Variants in TANC2 observed in about 807,000 individuals in gnomAD.
TANC2 encodes protein TANC2.
A neutral mutation model predicts 210.5 loss-of-function variants in TANC2; 26 were observed. The ratio of observed to expected loss-of-function variants is 0.12; its 90% CI spans 0.09 to 0.17. The LOEUF is 0.17. TANC2 is among the 10% of genes least tolerant of loss of function. The pLI, the probability that TANC2 is intolerant of heterozygous loss-of-function variation, is 1.00. For synonymous variants in TANC2, 931 were observed against 967.1 expected, an observed-to-expected ratio of 0.96 and a Z score of 0.69; for missense variants, 2,129 against 2,608.9, an observed-to-expected ratio of 0.82 and a Z score of 4.01.
At chr17:63,391,219 A>G (rs923676412) in intron 17 of TANC2, 1 of 152,226 alleles carries the variant, frequency 6.6e-6, no homozygotes, top group Non-Finnish European at 1.5e-5. Context: ...TGCTAACCAG[A>G]AGCAACATCC....
intron 5 of TANC2, among the ~76,000 whole-genome samples, chr17:63,169,217 T>G (rs2040315670): frequency 6.6e-6 from 1 of 152,250 alleles, no homozygotes; most frequent in Non-Finnish European, 1.5e-5. Context: ...CTTGTGAGAT[T>G]AGCTATAGTC....
chr17:63,205,344 CAAAAAAAAAAAAA>C (rs1158768609), intron 7 of TANC2, among the ~76,000 whole-genome samples: 176 of 8,082 alleles, frequency 0.022, 11 homozygotes, highest in Non-Finnish European at 0.03. Context: ...ACCAAGGAGG[CAAAAAAAAAAAAA>C]AAAAAAAAAA....
In TANC2 at chr17:63,018,968, T is replaced by G. The variant is rs184267838; in HGVS notation, c.67+9342T>G. Among the ~76,000 whole-genome samples, 228 of 152,300 alleles carry G rather than the reference T, an allele frequency of 1.5e-3. 1 individual carries two copies. The highest frequency in any genetic ancestry group is 2.5e-3 in the Admixed American group (39 of 15,300). Reference sequence around the variant, plus strand: ...CCCTTTGAAGGACAGCTGAATTGTTTCCAATTTGTGCTATTTTGAATAAAG... The same window carrying G: ...CCCTTTGAAGGACAGCTGAATTGTTGCCAATTTGTGCTATTTTGAATAAAG... On this transcript the variant is annotated intron_variant, in intron 2 of 27. Transcript: ENST00000689528.
At chr17:63,053,005 G>C (rs1429884912) in intron 2 of TANC2, among the ~76,000 whole-genome samples, 1 of 152,224 alleles carries the variant, frequency 6.6e-6, no homozygotes, top group East Asian at 1.9e-4. Context: ...GCTCGCAAGA[G>C]TGTGCTGACC....
intron 11 of TANC2, among the ~76,000 whole-genome samples, chr17:63,328,809 T>C (rs1398663516): frequency 6.6e-6 from 1 of 152,152 alleles, no homozygotes; most frequent in Admixed American, 6.5e-5. Context: ...TAAAAAATGA[T>C]ACAATAGGGA....
At chr17:63,057,665 T>A (rs932181487) in intron 2 of TANC2, among the ~76,000 whole-genome samples, 1 of 152,210 alleles carries the variant, frequency 6.6e-6, no homozygotes, top group Non-Finnish European at 1.5e-5. Context: ...CTCCCACTTA[T>A]GAGTGAGAAT....
intron 4 of TANC2, among the ~76,000 whole-genome samples, chr17:63,106,793 G>A (rs1398279481): frequency 6.6e-6 from 1 of 151,692 alleles, no homozygotes; most frequent in African/African-American, 2.4e-5. Flanking sequence ...TGAGGTTTTA[G>A]ACAAGAAAGT....
chr17:63,226,104 AT>A (rs1237504992), intron 7 of TANC2, among the ~76,000 whole-genome samples: 2 of 152,090 alleles, frequency 1.3e-5, no homozygotes, highest in Non-Finnish European at 2.9e-5. Flanking sequence ...TCACAAATCT[AT>A]TTTTTATTAT....
chr17:63,233,864 A>G (rs1284650618), intron 7 of TANC2, among the ~76,000 whole-genome samples: 1 of 152,170 alleles, frequency 6.6e-6, no homozygotes, highest in Non-Finnish European at 1.5e-5. Context: ...GACCAACTCA[A>G]CTTGGTCGAC....
chr17:63,197,617 T>C (rs2041387893), intron 6 of TANC2: 1 of 152,240 alleles, frequency 6.6e-6, no homozygotes, highest in East Asian at 1.9e-4. Flanking sequence ...GAAAGTGATA[T>C]TCACCTGACC....
chr17:63,321,095 A>G (rs1335040006), intron 11 of TANC2, among the ~76,000 whole-genome samples: 1 of 152,028 alleles, frequency 6.6e-6, no homozygotes, highest in Non-Finnish European at 1.5e-5. Flanking sequence ...CTACTCAGGA[A>G]GCTGAGGTAG....
At chr17:63,012,877 A>G (rs1305375759) in intron 2 of TANC2, among the ~76,000 whole-genome samples, 1 of 151,482 alleles carries the variant, frequency 6.6e-6, no homozygotes, top group African/African-American at 2.4e-5. Context: ...CTGGTCTTGA[A>G]CTCCTAGCCT....
At chr17:63,016,373 G>A (rs565003766) in intron 2 of TANC2, among the ~76,000 whole-genome samples, 32 of 152,246 alleles carry the variant, frequency 2.1e-4, no homozygotes, top group African/African-American at 7.5e-4. Context: ...TCAGCACTTC[G>A]AGACCAGCCT....
chr17:63,276,053 A>G (rs1567874400), intron 9 of TANC2, among the ~76,000 whole-genome samples: 1 of 152,140 alleles, frequency 6.6e-6, no homozygotes, highest in African/African-American at 2.4e-5. Context: ...ATTTACTTAG[A>G]TAAGACTTTG....
chr17:62,989,767 CT>C lies in TANC2; in HGVS notation c.-23-19748del, dbSNP rs369502208. Among the ~76,000 whole-genome samples the C allele has an allele frequency of 9.1e-3, 1,003 of 109,770 alleles. 3 individuals are homozygous for C. Among genetic ancestry groups the C allele is most frequent in the African/African-American group, 0.034 (857 of 24,966 alleles). The allele number at this position is 109,770 out of a possible 152,430, so 72.0% of individuals were successfully genotyped here. On this transcript the variant is annotated intron_variant, in intron 1 of 27. Coordinates refer to ENST00000689528, the Ensembl canonical transcript of TANC2. Reference sequence around the variant, plus strand: ...AAGCTCATAGAATAAAAAACACATGCTTTTTTTTTTTTTTTTTTTTTTGAGA... The same window carrying C: ...AAGCTCATAGAATAAAAAACACATGCTTTTTTTTTTTTTTTTTTTTTGAGA...
intron 1 of TANC2, among the ~76,000 whole-genome samples, chr17:62,976,486 T>TA (rs1184649478): frequency 6.6e-6 from 1 of 151,094 alleles, no homozygotes; most frequent in Non-Finnish European, 1.5e-5. Context: ...ACCTACTTAA[T>TA]AAAAAAGGGA....
At chr17:63,239,099 A>G (rs1422731000) in intron 8 of TANC2, among the ~76,000 whole-genome samples, 1 of 151,578 alleles carries the variant, frequency 6.6e-6, no homozygotes, top group African/African-American at 2.4e-5. Flanking sequence ...GGATTCCTTG[A>G]GGCCAAGAGT....
chr17:63,131,834 C>A (rs1303187994), intron 4 of TANC2, among the ~76,000 whole-genome samples: 1 of 152,186 alleles, frequency 6.6e-6, no homozygotes, highest in Non-Finnish European at 1.5e-5. Flanking sequence ...CGCCAGCCTA[C>A]ATGAGCTCCA....
At chr17:63,040,429 C>G (rs1022338751) in intron 2 of TANC2, among the ~76,000 whole-genome samples, 1 of 152,094 alleles carries the variant, frequency 6.6e-6, no homozygotes, top group Non-Finnish European at 1.5e-5. Context: ...AAAAGAAGCA[C>G]TTTACTTATG....
Sources: allele counts gnomAD v4.1 joint callset (sites outside exome capture counted in the v4.1 genomes callset), GRCh38; gene constraint gnomAD v4.1.1; transcripts MANE v1.5; gene names NCBI Gene and HGNC (gene_info 2026-07-23, HGNC 2026-07-21).